NXPE3: variants seen among roughly 807,000 people sequenced by gnomAD.
NXPE3 encodes the protein neurexophilin and PC-esterase domain family member 3.
NXPE3 carries 26 observed loss-of-function variants against 46.1 expected under a neutral mutation model. The ratio of observed to expected loss-of-function variants is 0.56; its 90% CI spans 0.41 to 0.78. The LOEUF is 0.78. NXPE3 is among the 30% of genes least tolerant of loss of function. The pLI is 0.00. For missense variants in NXPE3, 620 were observed against 686.0 expected, an observed-to-expected ratio of 0.90 and a Z score of 1.07; for synonymous variants, 272 against 257.9, an observed-to-expected ratio of 1.05 and a Z score of -0.52.
At chr3:101,808,855 A>ATATATATATATATATG (rs1491512601) in intron 6 of NXPE3, among the ~76,000 whole-genome samples, 1 of 95,254 alleles carries the variant, frequency 1.0e-5, no homozygotes, top group Non-Finnish European at 2.2e-5. Context: ...ATATATATAT[A>ATATATATATATATATG]TGAGACATTT....
At chr3:101,815,865 A>G (rs1941947268) in intron 6 of NXPE3, among the ~76,000 whole-genome samples, 1 of 152,142 alleles carries the variant, frequency 6.6e-6, no homozygotes, top group Non-Finnish European at 1.5e-5. Flanking sequence ...GTGTGGTGGT[A>G]CACGCCTGTA....
At position 101,801,393 on chromosome 3, in the gene NXPE3, C is replaced by T. The variant is rs777678095; in HGVS notation, c.252C>T (p.Ala84=). The T allele has an allele frequency of 6.2e-7, 1 of 1,614,098 alleles. No homozygotes were observed. Among genetic ancestry groups the T allele is most frequent in the African/African-American group, 1.3e-5 (1 of 74,926 alleles). ...ERMEEDSLLA[A]LHRQVPDVGP... is the part of the protein sequence containing the mutation. ...TGGAGGAGGACTCCTTGCTGGCTGC[C>T]TTGCACCGGCAGGTTCCTGATGTGG... The change falls in exon 5 of 8, where the codon GCC becomes GCT. Residue 84 remains alanine (A), a synonymous_variant. Transcript: ENST00000273347.
Position 101,808,818 on chromosome 3 carries a change from GATATATATATATATATATATAT to G in NXPE3, c.922+1709_922+1730del, listed in dbSNP as rs58006464. ...ACCAAATGAATTACTAATTTTAGAG[GATATATATATATATATATATAT>G]ATATATATATATATATGAGACATTT... On this transcript the variant is annotated intron_variant, in intron 6 of 7. Coordinates refer to ENST00000273347, the MANE Select transcript of NXPE3 (RefSeq NM_145037.4). 7.8e-4 allele frequency among the ~76,000 whole-genome samples: 24 copies of G among 30,810 alleles called. 1 individual carries two copies. Among genetic ancestry groups the G allele is most frequent in the African/African-American group, 1.8e-3 (15 of 8,552 alleles). The allele number at this position is 30,810 out of a possible 152,430, so 20.2% of individuals were successfully genotyped here. A position where few individuals can be genotyped will look rare whatever the true frequency, so the allele number is the denominator to read the frequency against.
At chr3:101,791,135 C>T (rs375559527) in intron 4 of NXPE3, among the ~76,000 whole-genome samples, 2 of 152,048 alleles carry the variant, frequency 1.3e-5, no homozygotes, top group South Asian at 2.1e-4. Flanking sequence ...CTGTTGTTTC[C>T]TTCTTTGTGT....
rs548776021 is a variant in NXPE3, at chr3:101,822,076, G to A, written c.*122G>A. On this transcript the variant is annotated 3_prime_UTR_variant, in exon 8 of 8. Transcript: ENST00000273347. ...TAAGTATAAAATTTCAAAAAGATCT[G>A]GACTTAATATGATGACTTATAAGGA... 2.5e-6 allele frequency: 2 copies of A among 812,420 alleles called. No homozygotes were observed. The highest frequency in any genetic ancestry group is 3.4e-5 in the African/African-American group (2 of 58,046). The allele number at this position is 812,420 out of a possible 1,614,324, so 50.3% of individuals were successfully genotyped here.
rs776087547 is a variant in NXPE3, at chr3:101,801,406, G to T, written c.265G>T (p.Val89Phe). 10 of 1,614,112 alleles carry T rather than the reference G, an allele frequency of 6.2e-6. No individual in the cohort carries two copies. In the African/African-American group the frequency reaches 8.0e-5, roughly 13 times the overall value. The change falls in exon 5 of 8, where the codon GTT (valine) becomes TTT (phenylalanine). Residue 89 changes from valine to phenylalanine, a missense_variant. Physicochemically the swap from Val to Phe is conservative, Grantham distance 50 (BLOSUM62 -1). This residue lies in a region of NXPE3 where 511 missense variants were observed against 528.6 expected (regional missense o/e 0.97). Transcript: ENST00000273347. ...DSLLAALHRQ[V>F]PDVGPVPFVK... ...CTTGCTGGCTGCCTTGCACCGGCAG[G>T]TTCCTGATGTGGGCCCAGTCCCCTT...
At chr3:101,814,929 G>T (rs1438962095) in intron 6 of NXPE3, among the ~76,000 whole-genome samples, 1 of 152,148 alleles carries the variant, frequency 6.6e-6, no homozygotes, top group Non-Finnish European at 1.5e-5. Context: ...GCTCAGCTCT[G>T]GGACCTTGGT....
At chr3:101,789,034 T>G (rs569378554) in intron 4 of NXPE3, among the ~76,000 whole-genome samples, 1 of 152,328 alleles carries the variant, frequency 6.6e-6, no homozygotes, top group South Asian at 2.1e-4. Flanking sequence ...TGACCAGAGA[T>G]TTGTGTTTTA....
At chr3:101,814,446 G>A (rs1941873910) in intron 6 of NXPE3, among the ~76,000 whole-genome samples, 2 of 152,046 alleles carry the variant, frequency 1.3e-5, no homozygotes, top group African/African-American at 2.4e-5. Context: ...TTTCTACTTG[G>A]GCTCTGAACC....
chr3:101,815,641 A>G (rs901260054), intron 6 of NXPE3, among the ~76,000 whole-genome samples: 2 of 151,596 alleles, frequency 1.3e-5, no homozygotes, highest in Admixed American at 1.3e-4. Flanking sequence ...AGGCGGGCGG[A>G]TCACTTGAGA....
Position 101,801,426 on chromosome 3 carries a change from C to G in NXPE3, c.285C>G (p.Val95=), listed in dbSNP as rs762082696. 3 of 1,614,156 alleles carry G rather than the reference C, an allele frequency of 1.9e-6. No individual in the cohort carries two copies. Among genetic ancestry groups the G allele is most frequent in the South Asian group, 2.2e-5 (2 of 91,084 alleles). ...LHRQVPDVGP[V]PFVKSTDPSS... is the part of the protein sequence containing the mutation. ...GGCAGGTTCCTGATGTGGGCCCAGTCCCCTTTGTGAAGAGCACTGACCCTT... is the reference window on the plus strand; with the variant it reads ...GGCAGGTTCCTGATGTGGGCCCAGTGCCCTTTGTGAAGAGCACTGACCCTT... The change falls in exon 5 of 8, where the codon GTC becomes GTG. Residue 95 remains valine (V), a synonymous_variant. Coordinates refer to ENST00000273347, the MANE Select transcript of NXPE3 (RefSeq NM_145037.4).
At chr3:101,811,480 C>T (rs1941703560) in intron 6 of NXPE3, among the ~76,000 whole-genome samples, 1 of 152,126 alleles carries the variant, frequency 6.6e-6, no homozygotes, top group African/African-American at 2.4e-5. Flanking sequence ...GATGATGTGA[C>T]CAAAGTCCAG....
chr3:101,821,305 TA>T (rs35027466), intron 7 of NXPE3, 98 bp from the exon 8 acceptor site: 291,170 of 911,980 alleles, frequency 0.32, 48,384 homozygotes, highest in Non-Finnish European at 0.33. Context: ...TTGTTGTACT[TA>T]AAAAAAAATT....
intron 4 of NXPE3, among the ~76,000 whole-genome samples, chr3:101,796,596 G>A (rs1940842705): frequency 6.6e-6 from 1 of 152,178 alleles, no homozygotes; most frequent in African/African-American, 2.4e-5. Flanking sequence ...AAAGGAGAGG[G>A]TGGCTGGAAC....
intron 6 of NXPE3, among the ~76,000 whole-genome samples, chr3:101,809,163 G>A (rs1471502249): frequency 1.3e-5 from 2 of 151,984 alleles, no homozygotes; most frequent in Non-Finnish European, 2.9e-5. Context: ...CTGGTTAGAG[G>A]GAAGATAGAT....
intron 6 of NXPE3, among the ~76,000 whole-genome samples, chr3:101,808,818 GATATATATATATATATATATATATAT>G (rs58006464): frequency 3.2e-5 from 1 of 30,814 alleles, no homozygotes; most frequent in Non-Finnish European, 5.9e-5. Context: ...AATTTTAGAG[GATATATATATATATATATATATATAT>G]ATATATATAT....
At chr3:101,819,540 CTTCT>C (rs1366696719) in intron 7 of NXPE3, among the ~76,000 whole-genome samples, 1 of 152,128 alleles carries the variant, frequency 6.6e-6, no homozygotes, top group African/African-American at 2.4e-5. Flanking sequence ...AACAGGGTTG[CTTCT>C]TTCTTTTGCT....
chr3:101,820,066 A>G (rs756566804), intron 7 of NXPE3, among the ~76,000 whole-genome samples: 17 of 152,196 alleles, frequency 1.1e-4, no homozygotes, highest in Non-Finnish European at 2.5e-4. Flanking sequence ...CCATGTTGTT[A>G]CAAATGACGG....
At chr3:101,785,028 A>G (rs779624923) in intron 3 of NXPE3, among the ~76,000 whole-genome samples, 1 of 152,206 alleles carries the variant, frequency 6.6e-6, no homozygotes, top group Non-Finnish European at 1.5e-5. Flanking sequence ...TAATTAATGT[A>G]GCAGTGTTAC....
Sources: allele counts gnomAD v4.1 joint callset (sites outside exome capture counted in the v4.1 genomes callset), GRCh38; gene constraint gnomAD v4.1.1; regional missense constraint gnomAD v4.1.1; transcripts MANE v1.5; gene names NCBI Gene and HGNC (gene_info 2026-07-23, HGNC 2026-07-21).